The following JMY variants were observed in gnomAD, a reference collection of about 807,000 sequenced individuals.
JMY encodes junction-mediating and -regulatory protein.
A neutral mutation model predicts 103.3 loss-of-function variants in JMY; 46 were observed. The ratio of observed to expected loss-of-function variants is 0.45; its 90% CI spans 0.35 to 0.57. The LOEUF is 0.57. JMY is among the 20% of genes least tolerant of loss of function. The pLI, the probability that JMY is intolerant of heterozygous loss-of-function variation, is 0.00. For missense variants in JMY, 1,238 were observed against 1,255.2 expected (o/e 0.99, Z 0.21); for synonymous variants, 526 against 489.3 (o/e 1.07, Z -0.99).
intron 6 of JMY, among the ~76,000 whole-genome samples, chr5:79,302,569 A>G (rs1746769075): frequency 6.6e-6 from 1 of 152,188 alleles, no homozygotes; most frequent in Non-Finnish European, 1.5e-5. Flanking sequence ...GCAGGACAGA[A>G]TAGTTTTTAG....
At chr5:79,316,434 G>A (rs1747224317) in intron 10 of JMY, 124 bp downstream of exon 10, 2 of 661,776 alleles carry the variant, frequency 3.0e-6, no homozygotes, top group South Asian at 5.1e-5. Flanking sequence ...ATTTTAGCAT[G>A]GATCACAAAT....
chr5:79,279,527 T>C (rs1279253762), intron 2 of JMY, among the ~76,000 whole-genome samples: 1 of 152,174 alleles, frequency 6.6e-6, no homozygotes, highest in Non-Finnish European at 1.5e-5. Flanking sequence ...TAAGATTGAG[T>C]ATTTGAGAAA....
At chr5:79,301,019 C>G (rs1746718431) in intron 6 of JMY, among the ~76,000 whole-genome samples, 156 bp downstream of exon 6, 1 of 152,162 alleles carries the variant, frequency 6.6e-6, no homozygotes, top group South Asian at 2.1e-4. Flanking sequence ...GAATTGCCCT[C>G]TTAAACACAT....
Position 79,236,145 on chromosome 5 carries a change from A to T in JMY, c.-506A>T, listed in dbSNP as rs568953443. 2.0e-5 allele frequency: 3 copies of T among 150,292 alleles called. No individual in the cohort carries two copies. Among genetic ancestry groups the T allele is most frequent in the Admixed American group, 2.0e-4 (3 of 15,106 alleles). The allele number at this position is 150,292 out of a possible 1,614,324, so 9.3% of individuals were successfully genotyped here. The stretch of plus-strand genomic sequence containing the variant: ...CCGACGTCAGCAGTCGAATGGCAAC[A>T]TTGTGGCGATGCTGAGGCGCAGAGT... On this transcript the variant is annotated 5_prime_UTR_variant, in exon 1 of 11. Coordinates refer to ENST00000396137, the MANE Select transcript of JMY (RefSeq NM_152405.5).
chr5:79,252,437 G>A (rs1745116773), intron 1 of JMY, among the ~76,000 whole-genome samples: 1 of 150,890 alleles, frequency 6.6e-6, no homozygotes. Context: ...CATGTATTCT[G>A]TATCTGTTGG....
chr5:79,308,598 C>T (rs769711137), intron 7 of JMY, among the ~76,000 whole-genome samples: 27 of 152,114 alleles, frequency 1.8e-4, no homozygotes, highest in Non-Finnish European at 3.2e-4. Flanking sequence ...GCTTTAGAAT[C>T]AGCTTGTCAG....
At chr5:79,270,145 T>G (rs1054480826) in intron 1 of JMY, among the ~76,000 whole-genome samples, 2 of 152,002 alleles carry the variant, frequency 1.3e-5, no homozygotes, top group Non-Finnish European at 2.9e-5. Context: ...AAATTTCCTT[T>G]TCTTTTGTTA....
intron 2 of JMY, among the ~76,000 whole-genome samples, chr5:79,285,176 C>T (rs1746230893): frequency 6.6e-6 from 1 of 152,088 alleles, no homozygotes; most frequent in Admixed American, 6.6e-5. Context: ...CCTCATTTTG[C>T]CAGTTGTCTC....
intron 4 of JMY, among the ~76,000 whole-genome samples, chr5:79,291,914 C>G (rs1335921070): frequency 1.3e-5 from 2 of 152,194 alleles, no homozygotes; most frequent in Non-Finnish European, 2.9e-5. Context: ...AAATCATCAT[C>G]TCTGCTTTAG....
rs1244627345 is a variant in JMY, at chr5:79,322,387, T to G, written c.*785T>G. 1 of 152,256 alleles carries G rather than the reference T, an allele frequency of 6.6e-6. No individual in the cohort carries two copies. The highest frequency in any genetic ancestry group is 1.5e-5 in the Non-Finnish European group (1 of 68,048). 9.4% of individuals were successfully genotyped at this position (152,256 alleles called of 1,614,324 possible). Reference sequence around the variant, plus strand: ...TATGGAAGGCAGTACTTTGATAATATTTCAAATTATTTTTATTTTGTTTGA... The same window carrying G: ...TATGGAAGGCAGTACTTTGATAATAGTTCAAATTATTTTTATTTTGTTTGA... On this transcript the variant is annotated 3_prime_UTR_variant, in exon 11 of 11. Transcript: ENST00000396137.
chr5:79,248,603 C>T (rs910635402), intron 1 of JMY, among the ~76,000 whole-genome samples: 7 of 152,034 alleles, frequency 4.6e-5, no homozygotes, highest in African/African-American at 7.3e-5. Flanking sequence ...GCCACCGCGC[C>T]GGCCTCCTTC....
Position 79,236,921 on chromosome 5 carries a change from G to A in JMY, c.271G>A (p.Glu91Lys), listed in dbSNP as rs1034223045. 5.1e-6 allele frequency: 7 copies of A among 1,380,712 alleles called. No homozygotes were observed. Among genetic ancestry groups the A allele is most frequent in the South Asian group, 3.7e-5 (2 of 54,212 alleles). 85.5% of individuals were successfully genotyped at this position (1,380,712 alleles called of 1,614,324 possible). Residue 91 changes from glutamate to lysine, a missense_variant, in exon 1 of 11, where the codon GAG (glutamate) becomes AAG (lysine). Transcript: ENST00000396137. ...CAGCCCGGCGGGCAGGGGTCGGCCC[G>A]AGGCCACTGCCTCTGCAACTCTGGT... is the stretch of plus-strand genomic sequence containing the variant. ...PGSPAGRGRP[E>K]ATASATLVRS...
At chr5:79,238,237 G>T (rs746217008) in intron 1 of JMY, among the ~76,000 whole-genome samples, 18 of 152,120 alleles carry the variant, frequency 1.2e-4, no homozygotes, top group Non-Finnish European at 2.5e-4. Context: ...AGGTTTTTTA[G>T]AAGTGTTTTG....
chr5:79,271,491 A>G (rs767268383), intron 1 of JMY, among the ~76,000 whole-genome samples: 3 of 152,178 alleles, frequency 2.0e-5, no homozygotes, highest in Admixed American at 6.5e-5. Flanking sequence ...GAATTCACCT[A>G]TGAACCTATC....
chr5:79,284,536 A>C, intron 2 of JMY: 1 of 1,570,472 alleles, frequency 6.4e-7, no homozygotes, highest in African/African-American at 1.3e-5. Flanking sequence ...AACCATCAAT[A>C]GTCCTGACGT....
chr5:79,296,629 A>G (rs911649768), intron 4 of JMY, among the ~76,000 whole-genome samples: 1 of 152,240 alleles, frequency 6.6e-6, no homozygotes, highest in Non-Finnish European at 1.5e-5. Context: ...TTACAGGCAC[A>G]TGCCACTATG....
At chr5:79,294,213 G>T (rs563283115) in intron 4 of JMY, among the ~76,000 whole-genome samples, 1 of 152,172 alleles carries the variant, frequency 6.6e-6, no homozygotes, top group Admixed American at 6.5e-5. Flanking sequence ...AGACCAGCCT[G>T]ACCAATATGG....
intron 2 of JMY, among the ~76,000 whole-genome samples, chr5:79,280,633 C>A (rs1746077612): frequency 6.6e-6 from 1 of 152,126 alleles, no homozygotes; most frequent in Non-Finnish European, 1.5e-5. Context: ...ATTTAGTTAG[C>A]AACTCATACA....
chr5:79,249,561 A>G (rs1037913564), intron 1 of JMY, among the ~76,000 whole-genome samples: 4 of 152,134 alleles, frequency 2.6e-5, no homozygotes, highest in African/African-American at 9.7e-5. Flanking sequence ...AGACTGTTCT[A>G]TTTCTTGGTA....
Sources: allele counts gnomAD v4.1 joint callset (sites outside exome capture counted in the v4.1 genomes callset), GRCh38; gene constraint gnomAD v4.1.1; transcripts MANE v1.5; gene names NCBI Gene and HGNC (gene_info 2026-07-23, HGNC 2026-07-21).